EIF3L: variants seen among roughly 807,000 people sequenced by gnomAD.
EIF3L encodes the protein eIEF associated protein HSPC021.
EIF3L carries 32 observed loss-of-function variants against 74.6 expected under a neutral mutation model. The ratio of observed to expected loss-of-function variants is 0.43; its 90% confidence interval spans 0.32 to 0.58. The LOEUF is 0.58. Among genes scored for constraint, EIF3L ranks in the 20% least tolerant of loss-of-function variants. EIF3L has a pLI of 0.06. For missense variants in EIF3L, 474 were observed against 707.8 expected, an observed-to-expected ratio of 0.67 and a Z score of 3.75; for synonymous variants, 256 against 254.4, an observed-to-expected ratio of 1.01 and a Z score of -0.06.
At chr22:37,867,682 C>A (rs955545958) in intron 7 of EIF3L, among the ~76,000 whole-genome samples, 2 of 148,212 alleles carry the variant, frequency 1.3e-5, no homozygotes, top group Non-Finnish European at 3.0e-5. Context: ...AAAATCAGCG[C>A]GGTGGTTCAC....
chr22:37,868,364 A>T (rs1240631157), intron 7 of EIF3L, among the ~76,000 whole-genome samples: 1 of 149,924 alleles, frequency 6.7e-6, no homozygotes, highest in Non-Finnish European at 1.5e-5. Context: ...ACCTCAAGGG[A>T]TCCACCCATC....
chr22:37,875,752 T>C, intron 9 of EIF3L, 89 bp from the exon 10 acceptor site: 2 of 1,315,490 alleles, frequency 1.5e-6, no homozygotes, highest in Non-Finnish European at 2.1e-6. Flanking sequence ...GTTGAGGGCC[T>C]CTGCAGGGAA....
chr22:37,868,270 C>A lies in EIF3L; in HGVS notation c.580-1906C>A, dbSNP rs1442085437. On this transcript the variant is annotated intron_variant, in intron 7 of 12. Transcript: ENST00000652021. ...TCTGGATTACAGGTGTGCACCACCA[C>A]GCCCTGCTAATTTTTTTTTTTTTTT... is the stretch of plus-strand genomic sequence containing the variant. Among the ~76,000 whole-genome samples the A allele has an allele frequency of 2.7e-5, 4 of 150,078 alleles. No individual in the cohort carries two copies. In the East Asian group the frequency reaches 8.0e-4, roughly 30 times the overall value.
chr22:37,850,158 T>C, intron 2 of EIF3L, 95 bp downstream of exon 2: 22 of 1,427,160 alleles, frequency 1.5e-5, no homozygotes, highest in Non-Finnish European at 2.2e-5. Flanking sequence ...AAATTGCTCT[T>C]TGATGGTCCA....
chr22:37,865,978 G>A (rs924559996), intron 7 of EIF3L, among the ~76,000 whole-genome samples: 2 of 152,126 alleles, frequency 1.3e-5, no homozygotes, highest in Non-Finnish European at 2.9e-5. Flanking sequence ...GGTGTATTTC[G>A]TCCTGGCCAG....
chr22:37,886,159 A>G (rs1361416803), intron 11 of EIF3L: 2 of 149,090 alleles, frequency 1.3e-5, no homozygotes, highest in African/African-American at 4.9e-5. Context: ...GCACCACTGC[A>G]CTCCAGCCTG....
chr22:37,862,974 A>T lies in EIF3L; in HGVS notation c.441A>T (p.Gly147=). ...ATCTCTTGTTTTCTTTACAGGGGGG[A>T]CCTTCCTTGGAGCAGAGGTTTGAAT... ...YRHIYAKVSG[G]PSLEQRFESY... Residue 147 remains glycine (G), a synonymous_variant, in exon 6 of 13, where the codon GGA becomes GGT. Transcript: ENST00000652021. The T allele has an allele frequency of 6.2e-7, 1 of 1,609,696 alleles. No individual in the cohort carries two copies. The highest frequency in any genetic ancestry group is 2.2e-5 in the East Asian group (1 of 44,796).
chr22:37,888,351 C>G, intron 12 of EIF3L, 75 bp from the exon 13 acceptor site: 1 of 1,512,954 alleles, frequency 6.6e-7, no homozygotes, highest in Non-Finnish European at 9.1e-7. Flanking sequence ...GGAATCTGAC[C>G]TAGTGATCAT....
chr22:37,869,250 T>C (rs1926346710), intron 7 of EIF3L, among the ~76,000 whole-genome samples: 1 of 152,202 alleles, frequency 6.6e-6, no homozygotes, highest in Admixed American at 6.5e-5. Context: ...TACCTCAGCC[T>C]CCTTAGTAGC....
intron 7 of EIF3L, among the ~76,000 whole-genome samples, chr22:37,864,864 A>T (rs1319616881): frequency 6.6e-6 from 1 of 152,110 alleles, no homozygotes; most frequent in Non-Finnish European, 1.5e-5. Flanking sequence ...AAATGGTAAC[A>T]TGTTCTGTTG....
chr22:37,858,701 C>T lies in EIF3L; in HGVS notation c.396C>T (p.Tyr132=). The T allele has an allele frequency of 1.2e-6, 2 of 1,610,938 alleles. No individual in the cohort carries two copies. Among genetic ancestry groups the T allele is most frequent in the African/African-American group, 2.7e-5 (2 of 74,874 alleles). Residue 132 remains tyrosine, a synonymous_variant, in exon 5 of 13, where the codon TAC becomes TAT. Transcript: ENST00000652021. ...CAGATGCTGTCTTCCTGATTTTATA[C>T]AAAGAATTATACTACAGGCACATAT... ...VGNDAVFLIL[Y]KELYYRHIYA...
At chr22:37,871,211 G>C (rs1263402527) in intron 8 of EIF3L, 1 of 152,078 alleles carries the variant, frequency 6.6e-6, no homozygotes, top group Non-Finnish European at 1.5e-5. Flanking sequence ...GTGTCGCTGT[G>C]TCACCCAGTC....
At chr22:37,888,108 G>T in intron 12 of EIF3L, 1 of 283,508 alleles carries the variant, frequency 3.5e-6, no homozygotes. Context: ...CCTGTTCAAA[G>T]CTTCTCATTC....
At chr22:37,884,430 A>G (rs895859877) in intron 11 of EIF3L, 2 of 152,050 alleles carry the variant, frequency 1.3e-5, no homozygotes, top group African/African-American at 4.8e-5. Flanking sequence ...ATTTTCAGAT[A>G]TATATCTAGT....
At chr22:37,867,705 A>G (rs1926226442) in intron 7 of EIF3L, among the ~76,000 whole-genome samples, 1 of 151,250 alleles carries the variant, frequency 6.6e-6, no homozygotes, top group South Asian at 2.1e-4. Context: ...CTGTAATCCC[A>G]GCACTTTGGG....
intron 1 of EIF3L, 134 bp downstream of exon 1, chr22:37,849,616 C>A: frequency 9.9e-7 from 1 of 1,008,860 alleles, no homozygotes; most frequent in Middle Eastern, 3.2e-4. Context: ...CCTCAGGCTG[C>A]TCCCACAGTT....
At chr22:37,864,445 C>A (rs1027444660) in intron 7 of EIF3L, among the ~76,000 whole-genome samples, 2 of 152,112 alleles carry the variant, frequency 1.3e-5, no homozygotes, top group South Asian at 4.1e-4. Flanking sequence ...AGTTGCTGTT[C>A]AAGGTCGAAT....
intron 4 of EIF3L, among the ~76,000 whole-genome samples, chr22:37,856,470 A>G (rs144666126): frequency 1.3e-5 from 2 of 152,328 alleles, no homozygotes; most frequent in African/African-American, 4.8e-5. Flanking sequence ...TGATCTTCCC[A>G]GAGTGCTGAG....
At chr22:37,855,951 A>G (rs1373796070) in intron 4 of EIF3L, among the ~76,000 whole-genome samples, 1 of 152,024 alleles carries the variant, frequency 6.6e-6, no homozygotes, top group Non-Finnish European at 1.5e-5. Flanking sequence ...ACTTTCTTAG[A>G]TGATGTCCTT....
Sources: allele counts gnomAD v4.1 joint callset (sites outside exome capture counted in the v4.1 genomes callset), GRCh38; gene constraint gnomAD v4.1.1; transcripts MANE v1.5; gene names NCBI Gene and HGNC (gene_info 2026-07-23, HGNC 2026-07-21).